Variants in TENM2 observed in about 807,000 individuals in gnomAD.
TENM2 encodes teneurin-2.
Under a neutral mutation model 245.2 loss-of-function variants are expected in TENM2, and 52 were observed. The observed-to-expected ratio is 0.21, with a 90% confidence interval of 0.17 to 0.27. The LOEUF is 0.27. Among genes scored for constraint, TENM2 ranks in the 10% least tolerant of loss-of-function variants. The pLI, the probability that TENM2 is intolerant of heterozygous loss-of-function variation, is 1.00. For synonymous variants in TENM2, 1,363 were observed against 1,438.9 expected (o/e 0.95, Z 1.19); for missense variants, 3,046 against 3,666.8 (o/e 0.83, Z 4.37).
At chr5:167,401,254 A>G (rs1159628866) in intron 2 of TENM2, among the ~76,000 whole-genome samples, 3 of 152,138 alleles carry the variant, frequency 2.0e-5, no homozygotes, top group Admixed American at 1.3e-4. Flanking sequence ...CATGCTGTAC[A>G]TATGTTGAAG....
chr5:167,086,180 C>T, the TENM2 span, among the ~76,000 whole-genome samples: 1 of 152,222 alleles, frequency 6.6e-6, no homozygotes, highest in Non-Finnish European at 1.5e-5. Flanking sequence ...TGGAATGACT[C>T]TTCAGAATTC....
At chr5:167,850,712 AC>A (rs1294362443) in intron 2 of TENM2, among the ~76,000 whole-genome samples, 1 of 152,114 alleles carries the variant, frequency 6.6e-6, no homozygotes, top group Non-Finnish European at 1.5e-5. Flanking sequence ...CAAAGCTAAT[AC>A]TTTCTTGATA....
rs555822193 is a variant in TENM2 at position 167,327,441 on chromosome 5, T to C, written c.226+42378T>C. ...CAATTGGGGAGGCAGGAATTAAATA[T>C]GAAATATAGTCACAAATTGGAATAA... is the stretch of plus-strand genomic sequence containing the variant. On this transcript the variant is annotated intron_variant, in intron 1 of 28. Transcript: ENST00000518659. Among the ~76,000 whole-genome samples, 4 of 152,286 alleles carry C rather than the reference T, an allele frequency of 2.6e-5. No individual in the cohort carries two copies. The South Asian group carries it at 6.2e-4, about 24-fold the overall frequency.
intron 2 of TENM2, among the ~76,000 whole-genome samples, chr5:167,481,006 C>G (rs1223145936): frequency 6.6e-6 from 1 of 152,138 alleles, no homozygotes; most frequent in Non-Finnish European, 1.5e-5. Flanking sequence ...ATATCGGAAC[C>G]CTTAATTTCT....
chr5:167,579,073 T>G (rs980654486), intron 2 of TENM2, among the ~76,000 whole-genome samples: 2 of 152,148 alleles, frequency 1.3e-5, no homozygotes, highest in Non-Finnish European at 2.9e-5. Context: ...ATTTGTTCCA[T>G]TTACTTTTCC....
intron 7 of TENM2, among the ~76,000 whole-genome samples, chr5:168,076,034 G>GT (rs931062565): frequency 3.3e-5 from 5 of 152,118 alleles, no homozygotes; most frequent in Admixed American, 2.0e-4. Context: ...TGAGATTTGG[G>GT]TGAGGACACA....
chr5:167,435,186 C>T (rs28393956), intron 2 of TENM2, among the ~76,000 whole-genome samples: 38,443 of 152,060 alleles, frequency 0.25, 5,681 homozygotes, highest in African/African-American at 0.39. Flanking sequence ...TCAGAGAGAT[C>T]TGGAGAATAC....
intron 2 of TENM2, among the ~76,000 whole-genome samples, chr5:167,598,708 T>G (rs1388831671): frequency 6.6e-6 from 1 of 152,146 alleles, no homozygotes; most frequent in Admixed American, 6.5e-5. Flanking sequence ...TTGGAGTCAC[T>G]AGTATTTTAA....
At chr5:167,965,234 T>A (rs1006541403) in intron 4 of TENM2, 3 of 152,164 alleles carry the variant, frequency 2.0e-5, no homozygotes, top group Admixed American at 2.0e-4. Flanking sequence ...GGAACAGGTT[T>A]TTGTGGCAGA....
chr5:167,516,746 A>T (rs1156287076), intron 2 of TENM2, among the ~76,000 whole-genome samples: 1 of 152,272 alleles, frequency 6.6e-6, no homozygotes, highest in Non-Finnish European at 1.5e-5. Flanking sequence ...GGGTTTTCGC[A>T]TCATATTCAA....
intron 1 of TENM2, among the ~76,000 whole-genome samples, chr5:167,372,671 G>A (rs940555994): frequency 6.6e-6 from 1 of 152,290 alleles, no homozygotes; most frequent in Middle Eastern, 3.4e-3. Context: ...TTTAGTTTGG[G>A]TTTTCATTTA....
At chr5:167,373,880 A>G (rs1407496054) in intron 1 of TENM2, among the ~76,000 whole-genome samples, 1 of 152,160 alleles carries the variant, frequency 6.6e-6, no homozygotes, top group Non-Finnish European at 1.5e-5. Flanking sequence ...CCATTTTCTG[A>G]CACCTAATAA....
chr5:167,102,086 TGTG>T, the TENM2 span, among the ~76,000 whole-genome samples: 1 of 150,206 alleles, frequency 6.7e-6, no homozygotes, highest in Admixed American at 6.7e-5. Flanking sequence ...ATTAGCCAGG[TGTG>T]GTGGCACGTG....
intron 11 of TENM2, among the ~76,000 whole-genome samples, chr5:168,126,358 TG>T (rs1157605747): frequency 1.3e-5 from 2 of 152,174 alleles, no homozygotes; most frequent in Non-Finnish European, 2.9e-5. Context: ...TTTGCCAAAC[TG>T]GTTGGAGTGG....
intron 3 of TENM2, among the ~76,000 whole-genome samples, chr5:167,892,544 C>T (rs1463761791): frequency 6.6e-6 from 1 of 152,170 alleles, no homozygotes; most frequent in Admixed American, 6.5e-5. Flanking sequence ...ATGGCATATG[C>T]CATCCAGAAT....
intron 2 of TENM2, among the ~76,000 whole-genome samples, chr5:167,787,424 C>T (rs6894321): frequency 2.6e-4 from 40 of 152,320 alleles, no homozygotes; most frequent in African/African-American, 9.4e-4. Flanking sequence ...GAATCCAGAG[C>T]TTCATGACCG....
chr5:167,477,365 C>A (rs1251941848), intron 2 of TENM2, among the ~76,000 whole-genome samples: 2 of 150,610 alleles, frequency 1.3e-5, no homozygotes, highest in Non-Finnish European at 2.9e-5. Context: ...CAAATGTCAA[C>A]ACAATGAAAA....
intron 2 of TENM2, among the ~76,000 whole-genome samples, chr5:167,489,075 C>T (rs1253368050): frequency 6.6e-6 from 1 of 152,248 alleles, no homozygotes; most frequent in Non-Finnish European, 1.5e-5. Flanking sequence ...CATCACTCCC[C>T]CTGGGTCATC....
At chr5:167,185,490 A>G in the TENM2 span, among the ~76,000 whole-genome samples, 164 of 152,272 alleles carry the variant, frequency 1.1e-3, no homozygotes, top group Middle Eastern at 3.4e-3. Flanking sequence ...ATGTTTCAAC[A>G]TATATTTGAA....
Sources: gnomAD v4.1 joint callset for allele counts (sites outside exome capture counted in the v4.1 genomes callset) on GRCh38, gnomAD v4.1.1 for gene constraint, MANE v1.5 for transcripts, NCBI Gene and HGNC (gene_info 2026-07-23, HGNC 2026-07-21) for gene names.